Variants in XYLT1 observed in about 807,000 individuals in gnomAD.
XYLT1 encodes the protein xylosyltransferase 1.
In XYLT1, 36 loss-of-function variants were observed where a neutral mutation model predicts 91.3. The ratio of observed to expected loss-of-function variants is 0.39; its 90% CI spans 0.30 to 0.52. The LOEUF (loss-of-function observed/expected upper bound fraction) is 0.52. Among genes scored for constraint, XYLT1 ranks in the 20% least tolerant of loss-of-function variants. The pLI, the probability that XYLT1 is intolerant of heterozygous loss-of-function variation, is 0.68. For missense variants in XYLT1, 1,242 were observed against 1,284.5 expected, an observed-to-expected ratio of 0.97 and a Z score of 0.51; for synonymous variants, 588 against 532.0, an observed-to-expected ratio of 1.11 and a Z score of -1.45.
At chr16:17,418,539 T>A (rs2036208442) in intron 1 of XYLT1, among the ~76,000 whole-genome samples, 1 of 148,612 alleles carries the variant, frequency 6.7e-6, no homozygotes, top group African/African-American at 2.5e-5. Flanking sequence ...GGAAAAAAGT[T>A]CAGAGTTAAA....
At chr16:17,120,857 G>A (rs2030026972) in intron 10 of XYLT1, among the ~76,000 whole-genome samples, 1 of 152,160 alleles carries the variant, frequency 6.6e-6, no homozygotes, top group South Asian at 2.1e-4. Context: ...ATTGTCTATT[G>A]ATCGATCAAT....
intron 1 of XYLT1, among the ~76,000 whole-genome samples, chr16:17,410,651 T>C (rs996339556): frequency 3.3e-5 from 5 of 150,556 alleles, no homozygotes; most frequent in Non-Finnish European, 7.4e-5. Flanking sequence ...ATTACTTTTT[T>C]TTTTTTTTTT....
intron 6 of XYLT1, among the ~76,000 whole-genome samples, chr16:17,146,103 C>T (rs1009838487): frequency 6.6e-6 from 1 of 151,722 alleles, no homozygotes; most frequent in Non-Finnish European, 1.5e-5. Context: ...AAAGAATTCC[C>T]TCTCACCGGG....
intron 2 of XYLT1, among the ~76,000 whole-genome samples, chr16:17,287,172 G>C (rs2034153788): frequency 6.6e-6 from 1 of 151,970 alleles, no homozygotes; most frequent in Non-Finnish European, 1.5e-5. Context: ...GCAGAACTGA[G>C]ATTCAAACCC....
chr16:17,200,482 C>T lies in XYLT1; in HGVS notation c.1086G>A (p.Lys362=), dbSNP rs1253298164. 5 of 1,612,054 alleles carry T rather than the reference C, an allele frequency of 3.1e-6. No individual in the cohort carries two copies. The East Asian group carries it at 8.9e-5, about 29-fold the overall frequency. Residue 362 remains lysine, a splice_region_variant and synonymous_variant, in exon 4 of 12, where the codon AAG becomes AAA. Coordinates refer to ENST00000261381, the MANE Select transcript of XYLT1 (RefSeq NM_022166.4). The part of the protein sequence containing the change: ...KDHFYYIHVD[K]RSNYLHRQVL... ...AGGGGTGATCACAGAGGCCTCTCAC[C>T]TTGTCCACGTGGATGTAGTAGAAGT... is the stretch of plus-strand genomic sequence containing the variant.
intron 5 of XYLT1, among the ~76,000 whole-genome samples, chr16:17,175,112 C>T (rs983287182): frequency 6.6e-6 from 1 of 152,018 alleles, no homozygotes; most frequent in African/African-American, 2.4e-5. Context: ...ATTTTTATGC[C>T]ACAATAAAAA....
chr16:17,217,652 T>C (rs1239366520), intron 3 of XYLT1, among the ~76,000 whole-genome samples: 1 of 152,244 alleles, frequency 6.6e-6, no homozygotes, highest in East Asian at 1.9e-4. Flanking sequence ...ACAAAACCAG[T>C]GTTGAATCTG....
At chr16:17,137,100 G>A (rs1047950230) in intron 8 of XYLT1, among the ~76,000 whole-genome samples, 4 of 152,128 alleles carry the variant, frequency 2.6e-5, no homozygotes, top group African/African-American at 4.8e-5. Context: ...GCTTAAGGTG[G>A]CTGGAGCTGC....
At chr16:17,343,656 A>C (rs1412390215) in intron 2 of XYLT1, among the ~76,000 whole-genome samples, 1 of 152,000 alleles carries the variant, frequency 6.6e-6, no homozygotes, top group Non-Finnish European at 1.5e-5. Context: ...TTTTTTGTAG[A>C]GATGGTCTTG....
Position 17,322,697 on chromosome 16 carries a change from C to T in XYLT1, c.402+35315G>A, listed in dbSNP as rs528831817. ...ATACTTCCATTGTCTAGGACACCCTCCTAGCCCTGCCAACTCACTGACCAG... is the reference window on the plus strand; with the variant it reads ...ATACTTCCATTGTCTAGGACACCCTTCTAGCCCTGCCAACTCACTGACCAG... On this transcript the variant is annotated intron_variant, in intron 2 of 11. Coordinates refer to ENST00000261381, the MANE Select transcript of XYLT1 (RefSeq NM_022166.4). Among the ~76,000 whole-genome samples the T allele has an allele frequency of 2.0e-5, 3 of 152,328 alleles. No homozygotes were observed. The South Asian group carries it at 6.2e-4, about 32-fold the overall frequency.
intron 2 of XYLT1, among the ~76,000 whole-genome samples, chr16:17,301,014 T>C (rs754333667): frequency 6.6e-6 from 1 of 152,052 alleles, no homozygotes; most frequent in Non-Finnish European, 1.5e-5. Flanking sequence ...ACTAGAGCTT[T>C]AATAGGAGTT....
chr16:17,359,865 A>T (rs1287574177), intron 1 of XYLT1, among the ~76,000 whole-genome samples: 1 of 151,996 alleles, frequency 6.6e-6, no homozygotes, highest in Non-Finnish European at 1.5e-5. Context: ...GTTTTGTATC[A>T]CTCGCATGCA....
intron 5 of XYLT1, among the ~76,000 whole-genome samples, chr16:17,195,425 C>CTT (rs570511337): frequency 6.6e-6 from 1 of 151,150 alleles, no homozygotes; most frequent in African/African-American, 2.4e-5. Flanking sequence ...CCACATCTTC[C>CTT]TTTTTTTTTG....
intron 10 of XYLT1, among the ~76,000 whole-genome samples, chr16:17,122,784 G>A (rs1395010061): frequency 6.6e-6 from 1 of 152,156 alleles, no homozygotes; most frequent in Non-Finnish European, 1.5e-5. Flanking sequence ...TGAGGATTCG[G>A]TTCCATTCTT....
At chr16:17,247,851 C>T (rs993441626) in intron 3 of XYLT1, among the ~76,000 whole-genome samples, 3 of 150,204 alleles carry the variant, frequency 2.0e-5, no homozygotes, top group African/African-American at 4.9e-5. Context: ...AAAGACCTCC[C>T]AAAGATGTGT....
chr16:17,343,957 C>T (rs1445684372), intron 2 of XYLT1, among the ~76,000 whole-genome samples: 3 of 152,140 alleles, frequency 2.0e-5, no homozygotes, highest in Non-Finnish European at 4.4e-5. Flanking sequence ...TTCACCTAAA[C>T]GTCACCAGCT....
chr16:17,223,343 CA>C (rs1445084788), intron 3 of XYLT1, among the ~76,000 whole-genome samples: 1 of 152,226 alleles, frequency 6.6e-6, no homozygotes, highest in Admixed American at 6.5e-5. Flanking sequence ...GAAAGGGAAG[CA>C]ACTCTGGGCA....
In XYLT1 at chr16:17,258,989, C is replaced by T; in HGVS notation, c.912G>A (p.Glu304=). ...PEKVTRFCPL[E]GKANKNVQWD... Reference sequence around the variant, plus strand: ...TGAGCCAGCGGGGTTGGAACTTACCCTCGAGGGGGCAGAACCGAGTCACCT... The same window carrying T: ...TGAGCCAGCGGGGTTGGAACTTACCTTCGAGGGGGCAGAACCGAGTCACCT... Residue 304 remains glutamate (E), a splice_region_variant and synonymous_variant, in exon 3 of 12, where the codon GAG becomes GAA. Transcript: ENST00000261381. 1 of 1,497,694 alleles carries T rather than the reference C, an allele frequency of 6.7e-7. No individual in the cohort carries two copies. 92.8% of individuals were successfully genotyped at this position (1,497,694 alleles called of 1,614,324 possible).
At chr16:17,236,497 A>G (rs549598917) in intron 3 of XYLT1, among the ~76,000 whole-genome samples, 1 of 151,498 alleles carries the variant, frequency 6.6e-6, no homozygotes, top group African/African-American at 2.4e-5. Flanking sequence ...TGGGACTGTG[A>G]CCTCAGTGGG....
Sources: gnomAD v4.1 joint callset for allele counts (sites outside exome capture counted in the v4.1 genomes callset) on GRCh38, gnomAD v4.1.1 for gene constraint, MANE v1.5 for transcripts, NCBI Gene and HGNC (gene_info 2026-07-23, HGNC 2026-07-21) for gene names.